The following TBC1D22B variants were observed in gnomAD, a reference collection of about 807,000 sequenced individuals.
The protein encoded by TBC1D22B is TBC1 domain family member 22B.
In TBC1D22B, 32 loss-of-function variants were observed where a neutral mutation model predicts 69.1. The observed-to-expected ratio is 0.46, with a 90% CI of 0.35 to 0.62. TBC1D22B has a LOEUF of 0.62. Ranked by LOEUF, TBC1D22B falls within the 20% of genes least tolerant of loss-of-function variation. TBC1D22B has a pLI of 0.00. For synonymous variants in TBC1D22B, 206 were observed against 229.8 expected (o/e 0.90, Z 0.94); for missense variants, 462 against 630.9 (o/e 0.73, Z 2.87).
chr6:37,328,089 G>A (rs372786300), intron 12 of TBC1D22B, among the ~76,000 whole-genome samples: 158 of 138,930 alleles, frequency 1.1e-3, no homozygotes, highest in African/African-American at 4.4e-3. Context: ...TGAGGCGGGC[G>A]GATCACCTGA....
At chr6:37,275,344 T>A (rs868856579) in intron 2 of TBC1D22B, among the ~76,000 whole-genome samples, 19 of 152,152 alleles carry the variant, frequency 1.2e-4, no homozygotes, top group African/African-American at 3.9e-4. Context: ...GAGATTTTTT[T>A]TTTTCCTACA....
In TBC1D22B at chr6:37,300,046, G is replaced by A. The variant is rs186158949; in HGVS notation, c.982+8689G>A. The stretch of plus-strand genomic sequence containing the variant: ...AAAAAGATTACAAAAATACTCTCCC[G>A]TGTTTTCTTCTAATACTCTTGTGGC... On this transcript the variant is annotated intron_variant, in intron 8 of 12. Coordinates refer to ENST00000373491, the MANE Select transcript of TBC1D22B (RefSeq NM_017772.4). Among the ~76,000 whole-genome samples, 15 of 149,576 alleles carry A rather than the reference G, an allele frequency of 1.0e-4. No homozygotes were observed. The East Asian group carries it at 1.8e-3, about 18-fold the overall frequency.
At chr6:37,305,046 A>G (rs1303606798) in intron 8 of TBC1D22B, among the ~76,000 whole-genome samples, 1 of 152,158 alleles carries the variant, frequency 6.6e-6, no homozygotes, top group Non-Finnish European at 1.5e-5. Flanking sequence ...TTAATTTTTG[A>G]TAGTCAACAC....
intron 8 of TBC1D22B, among the ~76,000 whole-genome samples, chr6:37,298,890 A>ATAT (rs1767477804): frequency 6.6e-6 from 1 of 152,184 alleles, no homozygotes; most frequent in East Asian, 1.9e-4. Flanking sequence ...ATTGCAGTGA[A>ATAT]TATCCTTGTA....
At chr6:37,320,172 A>G (rs1474127381) in intron 12 of TBC1D22B, among the ~76,000 whole-genome samples, 1 of 152,204 alleles carries the variant, frequency 6.6e-6, no homozygotes, top group African/African-American at 2.4e-5. Flanking sequence ...GGAGCCAGTA[A>G]GGGGTTCAGA....
chr6:37,323,463 G>A (rs1768307873), intron 12 of TBC1D22B, among the ~76,000 whole-genome samples: 1 of 152,186 alleles, frequency 6.6e-6, no homozygotes, highest in Non-Finnish European at 1.5e-5. Context: ...CAGGGAGGGC[G>A]AGGCTGCAAT....
intron 2 of TBC1D22B, among the ~76,000 whole-genome samples, chr6:37,273,914 G>A (rs945553074): frequency 4.6e-5 from 7 of 152,166 alleles, no homozygotes; most frequent in African/African-American, 1.7e-4. Flanking sequence ...AATACACATT[G>A]CAGCAGAAGC....
intron 12 of TBC1D22B, among the ~76,000 whole-genome samples, chr6:37,321,195 G>A (rs1768231024): frequency 9.6e-6 from 1 of 103,862 alleles, no homozygotes; most frequent in South Asian, 4.3e-4. Flanking sequence ...AACTGTCATA[G>A]CAAGATTTTT....
chr6:37,317,072 C>T (rs1400935729), intron 11 of TBC1D22B, 39 bp from the exon 12 acceptor site: 2 of 1,543,560 alleles, frequency 1.3e-6, no homozygotes, highest in Non-Finnish European at 1.8e-6. Context: ...GAATCTTTGT[C>T]AGGGCTGGGA....
At chr6:37,315,836 A>G (rs961704854) in intron 10 of TBC1D22B, among the ~76,000 whole-genome samples, 1 of 152,118 alleles carries the variant, frequency 6.6e-6, no homozygotes, top group African/African-American at 2.4e-5. Flanking sequence ...CGGCCTCCCT[A>G]AGTGCTGGGA....
intron 2 of TBC1D22B, among the ~76,000 whole-genome samples, chr6:37,270,683 A>G (rs34913202): frequency 0.089 from 13,608 of 152,046 alleles, 735 homozygotes; most frequent in Non-Finnish European, 0.12. Context: ...TTTTCTAAGA[A>G]CTTTGGCCTC....
intron 2 of TBC1D22B, among the ~76,000 whole-genome samples, chr6:37,271,485 C>A (rs1279502923): frequency 6.6e-6 from 1 of 152,140 alleles, no homozygotes; most frequent in South Asian, 2.1e-4. Flanking sequence ...ACTGTGGTGG[C>A]GGATGTTCAT....
At chr6:37,320,559 G>T (rs1479080199) in intron 12 of TBC1D22B, among the ~76,000 whole-genome samples, 1 of 152,174 alleles carries the variant, frequency 6.6e-6, no homozygotes, top group East Asian at 1.9e-4. Flanking sequence ...TAATTAAGTG[G>T]TTTTTAACAT....
chr6:37,270,071 C>G (rs1335015205), intron 2 of TBC1D22B, among the ~76,000 whole-genome samples: 1 of 152,140 alleles, frequency 6.6e-6, no homozygotes, highest in African/African-American at 2.4e-5. Flanking sequence ...ACTAGGGCAA[C>G]AGAATATAAC....
chr6:37,295,681 G>C, intron 8 of TBC1D22B: 1 of 399,530 alleles, frequency 2.5e-6, no homozygotes, highest in South Asian at 2.2e-5. Flanking sequence ...CATTAGCTGA[G>C]ATTTAATTCC....
intron 2 of TBC1D22B, among the ~76,000 whole-genome samples, chr6:37,276,384 A>G (rs1446780014): frequency 1.3e-5 from 2 of 152,110 alleles, no homozygotes; most frequent in East Asian, 1.9e-4. Flanking sequence ...GACAGAGCTG[A>G]CTTTTAAATT....
rs1011506739 is a variant in TBC1D22B, at chr6:37,332,311, C to T, written c.*1139C>T. 1.3e-5 allele frequency: 2 copies of T among 152,552 alleles called. No homozygotes were observed. The highest frequency in any genetic ancestry group is 4.8e-5 in the African/African-American group (2 of 41,426). The allele number at this position is 152,552 out of a possible 1,614,324, so 9.4% of individuals were successfully genotyped here. On this transcript the variant is annotated 3_prime_UTR_variant, in exon 13 of 13. Transcript: ENST00000373491. ...TTTCCTGGAGCATCTGCCCTTTGCT[C>T]CTAGCAGCCTCCCCAGGAAGGGACT...
intron 5 of TBC1D22B, among the ~76,000 whole-genome samples, chr6:37,284,007 G>T (rs954000558): frequency 5.3e-5 from 8 of 152,176 alleles, no homozygotes; most frequent in Non-Finnish European, 8.8e-5. Flanking sequence ...CCATGACTTG[G>T]GTCCAGCTCC....
intron 2 of TBC1D22B, among the ~76,000 whole-genome samples, chr6:37,276,139 A>G (rs1216991306): frequency 6.6e-6 from 1 of 151,178 alleles, no homozygotes; most frequent in East Asian, 1.9e-4. Flanking sequence ...TAATTTTTGT[A>G]TTTTTAGTAG....
Sources: allele counts gnomAD v4.1 joint callset (sites outside exome capture counted in the v4.1 genomes callset), GRCh38; gene constraint gnomAD v4.1.1; transcripts MANE v1.5; gene names NCBI Gene and HGNC (gene_info 2026-07-23, HGNC 2026-07-21).